The following WNK3 variants were observed in gnomAD, a reference collection of about 807,000 sequenced individuals.
The protein encoded by WNK3 is serine/threonine-protein kinase WNK3.
WNK3 carries 18 observed loss-of-function variants against 116.7 expected under a neutral mutation model. That is an observed-to-expected ratio of 0.15 (90% CI 0.11 to 0.23). The LOEUF is 0.23. Ranked by LOEUF, WNK3 falls within the 10% of genes least tolerant of loss-of-function variation. WNK3 has a pLI of 1.00. For missense variants in WNK3, 993 were observed against 1,323.8 expected, an observed-to-expected ratio of 0.75 and a Z score of 3.88; for synonymous variants, 404 against 469.4, an observed-to-expected ratio of 0.86 and a Z score of 1.80.
intron 20 of WNK3, 87 bp downstream of exon 20, chrX:54,236,851 C>T: frequency 2.9e-6 from 3 of 1,025,277 alleles, no homozygotes; most frequent in Non-Finnish European, 3.9e-6. Flanking sequence ...TAAAATGTCA[C>T]CAATCCTAAA....
chrX:54,209,148 C>T (rs943587326), intron 22 of WNK3, among the ~76,000 whole-genome samples: 1 of 111,700 alleles, frequency 9.0e-6, no homozygotes, highest in Non-Finnish European at 1.9e-5. Flanking sequence ...TGCCAGCAGG[C>T]CTGTCTAAAG....
intron 10 of WNK3, among the ~76,000 whole-genome samples, chrX:54,263,233 G>A (rs1430696581): frequency 1.8e-5 from 2 of 111,804 alleles, no homozygotes; most frequent in Non-Finnish European, 3.8e-5. Flanking sequence ...GAGTGAAGGA[G>A]ACCAGTAAAA....
chrX:54,298,144 G>C (rs782264470), intron 7 of WNK3, 31 bp downstream of exon 7: 3 of 934,155 alleles, frequency 3.2e-6, no homozygotes, highest in Non-Finnish European at 4.6e-6. Flanking sequence ...TACAATAAGA[G>C]GTGAGGGGAA....
At chrX:54,245,584 T>C (rs1424502635) in intron 17 of WNK3, among the ~76,000 whole-genome samples, 1 of 111,520 alleles carries the variant, frequency 9.0e-6, no homozygotes, top group East Asian at 2.8e-4. Flanking sequence ...ATATTTTTCC[T>C]GATGATTTTT....
chrX:54,294,643 C>A (rs371957284), exon 8 of WNK3: 9 of 1,206,839 alleles, frequency 7.5e-6, no homozygotes, highest in Admixed American at 2.2e-5. Context: ...CATTCAGCCC[C>A]AGTTTGCTGA....
At chrX:54,310,904 A>AT (rs1273714963) in intron 3 of WNK3, among the ~76,000 whole-genome samples, 6 of 110,493 alleles carry the variant, frequency 5.4e-5, no homozygotes, top group Admixed American at 2.0e-4. Flanking sequence ...TACTTTTTGT[A>AT]TTTTTTTGGT....
At chrX:54,291,965 G>A (rs966001525) in intron 10 of WNK3, among the ~76,000 whole-genome samples, 7 of 111,321 alleles carry the variant, frequency 6.3e-5, no homozygotes, top group Non-Finnish European at 9.4e-5. Context: ...GGAGAAAACC[G>A]GGTAATGGCA....
At chrX:54,196,644 A>C (rs1435331143) in exon 24 of WNK3, 1 of 111,872 alleles carries the variant, frequency 8.9e-6, no homozygotes, top group African/African-American at 3.3e-5. Flanking sequence ...TAAAGTCTTC[A>C]GAGTGGAAGG....
intron 2 of WNK3, among the ~76,000 whole-genome samples, chrX:54,312,461 G>A (rs1253898681): frequency 2.8e-5 from 3 of 109,064 alleles, no homozygotes; most frequent in Non-Finnish European, 3.8e-5. Context: ...TTTTCTAGAC[G>A]GAGTCTCGCT....
chrX:54,263,348 T>C (rs113612080), intron 10 of WNK3, among the ~76,000 whole-genome samples: 2,856 of 112,039 alleles, frequency 0.025, 101 homozygotes, highest in African/African-American at 0.09. Context: ...ATTTGTTGAG[T>C]ACCTATTACA....
At chrX:54,252,049 G>T (rs868949170) in intron 13 of WNK3, among the ~76,000 whole-genome samples, 115 of 66,430 alleles carry the variant, frequency 1.7e-3, no homozygotes, top group African/African-American at 6.9e-3. Context: ...TGGGCAACAA[G>T]AGCAAAACTC....
exon 9 of WNK3, chrX:54,293,306 C>A: frequency 8.4e-7 from 1 of 1,192,190 alleles, no homozygotes; most frequent in Non-Finnish European, 1.1e-6. Context: ...TGATGCAGCT[C>A]CTGCCTCAGA....
chrX:54,275,130 A>G, intron 10 of WNK3, among the ~76,000 whole-genome samples: 1 of 109,892 alleles, frequency 9.1e-6, no homozygotes, highest in Non-Finnish European at 1.9e-5. Context: ...AGCCTGGCCA[A>G]CATGGTGAAA....
chrX:54,261,905 A>G (rs2068260404), intron 10 of WNK3, among the ~76,000 whole-genome samples: 1 of 111,963 alleles, frequency 8.9e-6, no homozygotes, highest in South Asian at 3.7e-4. Context: ...AGCCTTTCTA[A>G]AAATGGAATT....
chrX:54,299,224 T>C (rs1301080868), intron 6 of WNK3, among the ~76,000 whole-genome samples: 2 of 111,517 alleles, frequency 1.8e-5, no homozygotes, highest in Non-Finnish European at 3.8e-5. Flanking sequence ...TACAGAGACC[T>C]CTTCTTACAC....
chrX:54,198,648 A>C, exon 24 of WNK3: 1 of 1,168,467 alleles, frequency 8.6e-7, no homozygotes, highest in Non-Finnish European at 1.1e-6. Context: ...TAGTAGACGG[A>C]GTATTCTAAG....
rs1253891284 is a variant in WNK3 at position 54,222,906 on chromosome X, AATAATAATAATAT to A, written c.4870+5795_4870+5807del. Among the ~76,000 whole-genome samples the A allele has an allele frequency of 4.6e-5, 4 of 87,156 alleles. No individual in the cohort carries two copies. The Admixed American group carries it at 5.6e-4, about 12-fold the overall frequency. The allele number at this position is 87,156 out of a possible 115,157, so 75.7% of individuals were successfully genotyped here. On this transcript the variant is annotated intron_variant, in intron 22 of 23. Transcript: ENST00000354646. ...AAAAAAAGTATAGTATAATAATAATAATAATAATAATATATATATATATATATATATATAAAAA... is the reference window on the plus strand; with the variant it reads ...AAAAAAAGTATAGTATAATAATAATAATATATATATATATATATATAAAAA...
chrX:54,270,466 G>A (rs1438403803), intron 10 of WNK3, among the ~76,000 whole-genome samples: 4 of 102,222 alleles, frequency 3.9e-5, no homozygotes, highest in Non-Finnish European at 2.0e-5. Context: ...GTGCAATGGC[G>A]TGGTCTTGGT....
Position 54,311,066 on chromosome X carries a change from C to A in WNK3, c.710+53G>T. The A allele has an allele frequency of 5.4e-6, 5 of 928,006 alleles. No individual in the cohort carries two copies. In the South Asian group the frequency reaches 1.1e-4, roughly 20 times the overall value. 76.5% of individuals were successfully genotyped at this position (928,006 alleles called of 1,213,427 possible). ...TTATTTTATAAAAATTGTTATGACT[C>A]CTGAAAATTATTTCCAAATAAAACT... On this transcript the variant is annotated intron_variant, in intron 3 of 23. Transcript: ENST00000354646.
Sources: gnomAD v4.1 joint callset for allele counts (sites outside exome capture counted in the v4.1 genomes callset) on GRCh38, gnomAD v4.1.1 for gene constraint, MANE v1.5 for transcripts, NCBI Gene and HGNC (gene_info 2026-07-23, HGNC 2026-07-21) for gene names.